Variants in BCAS3 observed in about 807,000 individuals in gnomAD.
The protein encoded by BCAS3 is BCAS3 microtubule associated cell migration factor, also known as BCAS4/BCAS3 fusion.
BCAS3 carries 53 observed loss-of-function variants against 116.1 expected under a neutral mutation model. The observed-to-expected ratio is 0.46, with a 90% confidence interval of 0.37 to 0.57. The LOEUF (loss-of-function observed/expected upper bound fraction) is 0.57. Among genes scored for constraint, BCAS3 ranks in the 20% least tolerant of loss-of-function variants. The pLI is 0.00. For missense variants in BCAS3, 917 were observed against 1,165.4 expected, an observed-to-expected ratio of 0.79 and a Z score of 3.10; for synonymous variants, 391 against 408.2, an observed-to-expected ratio of 0.96 and a Z score of 0.51.
chr17:60,776,626 G>A (rs1056728536), intron 6 of BCAS3, among the ~76,000 whole-genome samples: 1 of 151,638 alleles, frequency 6.6e-6, no homozygotes, highest in Non-Finnish European at 1.5e-5. Flanking sequence ...GGCTGAGGCC[G>A]GAGAATCGCT....
intron 22 of BCAS3, among the ~76,000 whole-genome samples, chr17:61,341,143 C>T (rs1299680111): frequency 2.6e-5 from 4 of 152,096 alleles, no homozygotes; most frequent in African/African-American, 9.7e-5. Flanking sequence ...TGTGAGTGTG[C>T]TGAGGGCATG....
chr17:60,819,685 T>A (rs889596140), intron 7 of BCAS3, among the ~76,000 whole-genome samples: 1 of 152,152 alleles, frequency 6.6e-6, no homozygotes, highest in African/African-American at 2.4e-5. Flanking sequence ...AAATAACACA[T>A]GTGGGAGCTG....
chr17:61,291,070 G>A (rs537128281), intron 22 of BCAS3, among the ~76,000 whole-genome samples: 16 of 152,164 alleles, frequency 1.1e-4, no homozygotes, highest in Non-Finnish European at 2.1e-4. Flanking sequence ...GTGAGCCACC[G>A]CGCCCGGCCT....
intron 9 of BCAS3, among the ~76,000 whole-genome samples, chr17:60,878,013 C>CTTTTTTTTTT (rs11345486): frequency 7.5e-6 from 1 of 132,560 alleles, no homozygotes. Flanking sequence ...CTTTTTTTTT[C>CTTTTTTTTTT]TTTTTTTTTT....
intron 6 of BCAS3, among the ~76,000 whole-genome samples, chr17:60,787,782 T>C (rs1373427930): frequency 6.6e-6 from 1 of 152,084 alleles, no homozygotes; most frequent in African/African-American, 2.4e-5. Flanking sequence ...GAGGAGGAAG[T>C]GCAGCATTAC....
At chr17:61,284,016 G>C (rs1470782859) in intron 22 of BCAS3, among the ~76,000 whole-genome samples, 8 of 152,188 alleles carry the variant, frequency 5.3e-5, no homozygotes, top group Non-Finnish European at 1.2e-4. Context: ...GGTGAAGCCG[G>C]CTGGGCTTCT....
chr17:61,022,787 A>G (rs755278647), intron 16 of BCAS3, among the ~76,000 whole-genome samples: 9 of 152,084 alleles, frequency 5.9e-5, no homozygotes, highest in East Asian at 1.9e-4. Flanking sequence ...CTACAGGCCT[A>G]TATCACCGCA....
intron 7 of BCAS3, among the ~76,000 whole-genome samples, chr17:60,830,370 G>T (rs9897692): frequency 6.6e-6 from 1 of 152,004 alleles, no homozygotes; most frequent in Admixed American, 6.6e-5. Flanking sequence ...GGTTGCACAA[G>T]TATAGTTGGA....
chr17:61,156,232 G>T lies in BCAS3; in HGVS notation c.2425+71668G>T, dbSNP rs1045187694. ...TACTAAGCCTAATTCTCTGGTTAAA[G>T]TTTGGGTCAATGTATTCATTTTGGT... On this transcript the variant is annotated intron_variant, in intron 22 of 23. Transcript: ENST00000407086. This position sits in a 1 kb window ranked among gnomAD's most constrained non-coding sequence, Gnocchi z 4.7. Among the ~76,000 whole-genome samples the T allele has an allele frequency of 6.6e-6, 1 of 151,770 alleles. No individual in the cohort carries two copies. The highest frequency in any genetic ancestry group is 2.4e-5 in the African/African-American group (1 of 41,288).
chr17:60,748,558 A>C (rs903545641), intron 6 of BCAS3, among the ~76,000 whole-genome samples: 1 of 152,130 alleles, frequency 6.6e-6, no homozygotes, highest in African/African-American at 2.4e-5. Context: ...TTCTCTTTGG[A>C]TGGCTGGAAT....
intron 10 of BCAS3, among the ~76,000 whole-genome samples, chr17:60,901,297 A>T (rs1051356382): frequency 1.3e-5 from 2 of 152,040 alleles, no homozygotes; most frequent in African/African-American, 2.4e-5. Context: ...TAATTACCAG[A>T]AGCAGGGAAT....
chr17:61,234,542 G>A (rs1013360634), intron 22 of BCAS3, among the ~76,000 whole-genome samples: 5 of 152,140 alleles, frequency 3.3e-5, no homozygotes, highest in African/African-American at 1.2e-4. Flanking sequence ...CCCTCCCAGG[G>A]AGAGGAGTTT....
intron 6 of BCAS3, among the ~76,000 whole-genome samples, chr17:60,755,501 A>T (rs2042911290): frequency 6.6e-6 from 1 of 152,186 alleles, no homozygotes; most frequent in African/African-American, 2.4e-5. Flanking sequence ...AAAAAGAAGT[A>T]CTTCAAAACC....
intron 22 of BCAS3, among the ~76,000 whole-genome samples, chr17:61,234,528 AC>A (rs1390260996): frequency 6.6e-6 from 1 of 151,932 alleles, no homozygotes; most frequent in Non-Finnish European, 1.5e-5. Context: ...AAATCAATAG[AC>A]CTCCCTCCCA....
At chr17:61,059,256 G>T (rs1347409749) in intron 19 of BCAS3, among the ~76,000 whole-genome samples, 1 of 151,188 alleles carries the variant, frequency 6.6e-6, no homozygotes, top group South Asian at 2.1e-4. Flanking sequence ...CTAATTTTTT[G>T]TATTTTTAGT....
At chr17:60,856,619 A>C (rs1270733878) in intron 7 of BCAS3, among the ~76,000 whole-genome samples, 5 of 152,116 alleles carry the variant, frequency 3.3e-5, no homozygotes, top group African/African-American at 1.2e-4. Flanking sequence ...TGAACCTGGG[A>C]GGCAGAGGTA....
Position 61,163,574 on chromosome 17 carries a change from T to C in BCAS3, c.2425+79010T>C, listed in dbSNP as rs1033734319. Among the ~76,000 whole-genome samples, 3 of 152,242 alleles carry C rather than the reference T, an allele frequency of 2.0e-5. No homozygotes were observed. The South Asian group carries it at 6.2e-4, about 31-fold the overall frequency. ...CTGAAGTATAATTACAGTATGTTTT[T>C]CCAGGGCAGAGCTTCTCAGAGTCTT... On this transcript the variant is annotated intron_variant, in intron 22 of 23. Coordinates refer to ENST00000407086, the MANE Select transcript of BCAS3 (RefSeq NM_017679.5).
chr17:60,924,170 T>A (rs1282472055), intron 12 of BCAS3, among the ~76,000 whole-genome samples: 1 of 152,224 alleles, frequency 6.6e-6, no homozygotes, highest in Non-Finnish European at 1.5e-5. Flanking sequence ...GTTTCTGTCA[T>A]CTACAGTCAA....
intron 6 of BCAS3, among the ~76,000 whole-genome samples, chr17:60,757,537 C>T (rs1035266965): frequency 6.6e-6 from 1 of 151,064 alleles, no homozygotes; most frequent in South Asian, 2.1e-4. Flanking sequence ...AGCATTTTTC[C>T]TGTATACGTA....
Sources: gnomAD v4.1 joint callset for allele counts (sites outside exome capture counted in the v4.1 genomes callset) on GRCh38, gnomAD v4.1.1 for gene constraint, Gnocchi (gnomAD v3.1) non-coding constraint, MANE v1.5 for transcripts, NCBI Gene and HGNC (gene_info 2026-07-23, HGNC 2026-07-21) for gene names.